The following CDH13 variants were observed in gnomAD, a reference collection of about 807,000 sequenced individuals.
CDH13 encodes the protein cadherin 13, also known as cadherin-13.
CDH13 carries 24 observed loss-of-function variants against 63.8 expected under a neutral mutation model. The ratio of observed to expected loss-of-function variants is 0.38; its 90% CI spans 0.27 to 0.53. CDH13 has a LOEUF of 0.53. Ranked by LOEUF, CDH13 falls within the 20% of genes least tolerant of loss-of-function variation. CDH13 has a pLI of 0.85. For missense variants in CDH13, 1,049 were observed against 903.1 expected (o/e 1.16, Z -2.07); for synonymous variants, 503 against 355.3 (o/e 1.42, Z -4.67).
chr16:83,022,925 A>G (rs1915477813), intron 2 of CDH13: 4 of 152,204 alleles, frequency 2.6e-5, no homozygotes, highest in Admixed American at 2.0e-4. Context: ...GGACTGTTCT[A>G]TATTTGGCAG....
At chr16:82,709,607 C>T (rs553151618) in intron 1 of CDH13, among the ~76,000 whole-genome samples, 35 of 152,304 alleles carry the variant, frequency 2.3e-4, no homozygotes, top group African/African-American at 3.6e-4. Context: ...TGAGATAATT[C>T]ATGTCAAGTA....
At chr16:83,593,231 A>G (rs569091650) in intron 7 of CDH13, among the ~76,000 whole-genome samples, 6 of 152,342 alleles carry the variant, frequency 3.9e-5, no homozygotes, top group African/African-American at 1.2e-4. Flanking sequence ...AATGAATTCC[A>G]TTACATCTTT....
At chr16:83,042,210 G>T (rs753577654) in intron 3 of CDH13, among the ~76,000 whole-genome samples, 1 of 152,130 alleles carries the variant, frequency 6.6e-6, no homozygotes, top group Non-Finnish European at 1.5e-5. Flanking sequence ...GTTAGAAACC[G>T]GGCTGCACTG....
intron 3 of CDH13, among the ~76,000 whole-genome samples, chr16:83,033,172 A>G (rs1916530891): frequency 6.6e-6 from 1 of 152,230 alleles, no homozygotes; most frequent in Non-Finnish European, 1.5e-5. Flanking sequence ...TATCAAAGAT[A>G]TCTCAAAGCT....
At chr16:83,522,225 A>G (rs528090106) in intron 7 of CDH13, among the ~76,000 whole-genome samples, 114 of 152,296 alleles carry the variant, frequency 7.5e-4, no homozygotes, top group Non-Finnish European at 1.4e-3. Flanking sequence ...TTGAATCTTT[A>G]TGGAAAGGCC....
At chr16:83,635,332 CTTTTTTTTT>C (rs71148847) in intron 8 of CDH13, among the ~76,000 whole-genome samples, 3 of 46,716 alleles carry the variant, frequency 6.4e-5, no homozygotes, top group South Asian at 1.2e-3. Context: ...CATTTTCTTT[CTTTTTTTTT>C]TTTTTTTTTT....
chr16:82,943,712 C>G (rs143860378), intron 2 of CDH13, among the ~76,000 whole-genome samples: 128 of 152,316 alleles, frequency 8.4e-4, no homozygotes, highest in Middle Eastern at 3.4e-3. Context: ...TGGCCTTGCC[C>G]TTCAGGCTGT....
At chr16:83,133,710 G>T (rs943799333) in intron 4 of CDH13, among the ~76,000 whole-genome samples, 1 of 152,134 alleles carries the variant, frequency 6.6e-6, no homozygotes, top group African/African-American at 2.4e-5. Context: ...TATTGGTCAG[G>T]CTGGTCTCAA....
At chr16:83,302,722 A>G (rs1293376626) in intron 5 of CDH13, among the ~76,000 whole-genome samples, 2 of 152,226 alleles carry the variant, frequency 1.3e-5, no homozygotes, top group Non-Finnish European at 2.9e-5. Flanking sequence ...AATAAATGCC[A>G]GAAGAGGAAA....
chr16:83,145,619 A>G (rs905776176), intron 4 of CDH13, among the ~76,000 whole-genome samples: 4 of 152,088 alleles, frequency 2.6e-5, no homozygotes, highest in Non-Finnish European at 4.4e-5. Context: ...CACTTGTTTC[A>G]TTTTTTCTTT....
intron 7 of CDH13, among the ~76,000 whole-genome samples, chr16:83,576,104 A>C (rs1406389791): frequency 6.6e-6 from 1 of 152,188 alleles, no homozygotes; most frequent in African/African-American, 2.4e-5. Flanking sequence ...GCTGGTCTTA[A>C]AATATCTTTA....
intron 5 of CDH13, among the ~76,000 whole-genome samples, chr16:83,331,349 T>C (rs1176483913): frequency 1.3e-5 from 2 of 152,208 alleles, no homozygotes; most frequent in Non-Finnish European, 2.9e-5. Flanking sequence ...TGTAGAACTG[T>C]AAAGACTAGA....
rs2151543660 is a variant in CDH13, at chr16:83,071,868, CA to C, written c.366+39651del. Among the ~76,000 whole-genome samples, 3 of 152,164 alleles carry C rather than the reference CA, an allele frequency of 2.0e-5. 1 individual carries two copies. In the South Asian group the frequency reaches 6.2e-4, roughly 31 times the overall value. ...TTGTAAATATCCCATTTATATTATG[CA>C]TAGATTATAAGTAAAATACACAGAA... On this transcript the variant is annotated intron_variant, in intron 3 of 13. Coordinates refer to ENST00000567109, the MANE Select transcript of CDH13 (RefSeq NM_001257.5).
intron 6 of CDH13, among the ~76,000 whole-genome samples, chr16:83,380,253 G>GT (rs1319285955): frequency 6.6e-6 from 1 of 151,964 alleles, no homozygotes; most frequent in Admixed American, 6.6e-5. Flanking sequence ...ATGTGACAAA[G>GT]TGTTACCAGT....
intron 3 of CDH13, among the ~76,000 whole-genome samples, chr16:83,097,496 G>A (rs12934489): frequency 0.37 from 56,365 of 152,044 alleles, 11,885 homozygotes; most frequent in Middle Eastern, 0.57. Context: ...CATAATTGCA[G>A]CAGAGTTACC....
At chr16:83,782,267 A>G (rs904137637) in intron 12 of CDH13, among the ~76,000 whole-genome samples, 2 of 152,154 alleles carry the variant, frequency 1.3e-5, no homozygotes, top group Admixed American at 6.5e-5. Context: ...TCTCAAGGCT[A>G]AAGAATAGGC....
intron 5 of CDH13, among the ~76,000 whole-genome samples, chr16:83,253,255 G>T (rs1434940088): frequency 6.6e-6 from 1 of 152,204 alleles, no homozygotes; most frequent in East Asian, 1.9e-4. Flanking sequence ...AGACTTGTTT[G>T]TTGGGGGTGG....
chr16:82,806,454 T>G (rs1042836712), intron 1 of CDH13, among the ~76,000 whole-genome samples: 1 of 152,216 alleles, frequency 6.6e-6, no homozygotes, highest in Non-Finnish European at 1.5e-5. Context: ...AAACTTGGAA[T>G]TTTAAAGTTA....
intron 10 of CDH13, among the ~76,000 whole-genome samples, chr16:83,727,635 G>C (rs1265308170): frequency 2.6e-5 from 4 of 152,158 alleles, no homozygotes; most frequent in Admixed American, 2.6e-4. Flanking sequence ...TATAAGCCGA[G>C]AATGTTAGTA....
Sources: allele counts gnomAD v4.1 joint callset (sites outside exome capture counted in the v4.1 genomes callset), GRCh38; gene constraint gnomAD v4.1.1; transcripts MANE v1.5; gene names NCBI Gene and HGNC (gene_info 2026-07-23, HGNC 2026-07-21).